Variants in NPAS3 observed in about 807,000 individuals in gnomAD.
NPAS3 encodes the protein neuronal PAS domain-containing protein 3.
A neutral mutation model predicts 73.1 loss-of-function variants in NPAS3; 14 were observed. The ratio of observed to expected loss-of-function variants is 0.19; its 90% confidence interval spans 0.13 to 0.30. The LOEUF (loss-of-function observed/expected upper bound fraction) is 0.30. NPAS3 is among the 10% of genes least tolerant of loss of function. NPAS3 has a pLI of 1.00. For missense variants in NPAS3, 1,096 were observed against 1,250.0 expected, an observed-to-expected ratio of 0.88 and a Z score of 1.86; for synonymous variants, 620 against 541.5, an observed-to-expected ratio of 1.14 and a Z score of -2.01.
intron 6 of NPAS3, among the ~76,000 whole-genome samples, chr14:33,702,424 TA>T (rs1595467697): frequency 6.6e-6 from 1 of 152,218 alleles, no homozygotes; most frequent in East Asian, 1.9e-4. Context: ...CAAATAATCC[TA>T]ACAAATTATT....
chr14:33,405,938 T>C (rs568286468), intron 4 of NPAS3, among the ~76,000 whole-genome samples: 15 of 152,256 alleles, frequency 9.9e-5, no homozygotes, highest in African/African-American at 3.6e-4. Flanking sequence ...TGTTTTGTAT[T>C]AGCTTATGCC....
At chr14:33,705,364 T>G (rs2060628502) in intron 6 of NPAS3, among the ~76,000 whole-genome samples, 1 of 152,148 alleles carries the variant, frequency 6.6e-6, no homozygotes, top group Non-Finnish European at 1.5e-5. Flanking sequence ...AATAATACAT[T>G]TCAGTAAAGT....
At chr14:33,403,384 T>C (rs552525363) in intron 4 of NPAS3, among the ~76,000 whole-genome samples, 8 of 152,072 alleles carry the variant, frequency 5.3e-5, no homozygotes, top group Admixed American at 3.9e-4. Flanking sequence ...TAAGAAAAAA[T>C]GCAATAGTAC....
chr14:33,708,662 T>A (rs2060729313), intron 6 of NPAS3, among the ~76,000 whole-genome samples: 1 of 152,134 alleles, frequency 6.6e-6, no homozygotes, highest in Non-Finnish European at 1.5e-5. Context: ...TTTAAAAGTA[T>A]TTGAGTCATG....
At chr14:33,304,737 A>G (rs1594646182) in intron 3 of NPAS3, among the ~76,000 whole-genome samples, 1 of 152,152 alleles carries the variant, frequency 6.6e-6, no homozygotes, top group South Asian at 2.1e-4. Context: ...TAACCAAGCT[A>G]TGAATACTCT....
chr14:32,938,485 T>TAGACAGAGAGAGAGAGAGAGAGAG (rs1491191135), upstream of NPAS3, among the ~76,000 whole-genome samples: 2 of 21,748 alleles, frequency 9.2e-5, no homozygotes, highest in African/African-American at 2.7e-4. Context: ...GAGAGAGAAA[T>TAGACAGAGAGAGAGAGAGAGAGAG]TGAGAGAGAG....
At chr14:33,516,518 A>C (rs4981196) in intron 4 of NPAS3, among the ~76,000 whole-genome samples, 93,048 of 151,982 alleles carry the variant, frequency 0.61, 28,635 homozygotes, top group South Asian at 0.74. Context: ...GAGAGTGGAG[A>C]ACCAGAGTCA....
At chr14:33,569,891 T>C (rs1055927988) in intron 5 of NPAS3, among the ~76,000 whole-genome samples, 1 of 152,204 alleles carries the variant, frequency 6.6e-6, no homozygotes, top group Non-Finnish European at 1.5e-5. Flanking sequence ...TGAATGATAG[T>C]GCTAGCTCTA....
At chr14:33,707,865 G>A (rs1221451509) in intron 6 of NPAS3, among the ~76,000 whole-genome samples, 1 of 152,166 alleles carries the variant, frequency 6.6e-6, no homozygotes, top group Non-Finnish European at 1.5e-5. Context: ...TTATCGCTTT[G>A]CCTGCATGCG....
At chr14:33,602,623 T>C (rs992841079) in intron 5 of NPAS3, among the ~76,000 whole-genome samples, 1 of 152,158 alleles carries the variant, frequency 6.6e-6, no homozygotes, top group African/African-American at 2.4e-5. Context: ...TATATGTGAG[T>C]AAAGTTTTTT....
At chr14:33,149,040 AAAG>A (rs1375612801) in intron 2 of NPAS3, among the ~76,000 whole-genome samples, 1 of 152,176 alleles carries the variant, frequency 6.6e-6, no homozygotes, top group Non-Finnish European at 1.5e-5. Context: ...CCTTAGAGTT[AAAG>A]AAGCAAGTCA....
chr14:33,763,046 T>C (rs1471079045), intron 7 of NPAS3, among the ~76,000 whole-genome samples: 1 of 152,220 alleles, frequency 6.6e-6, no homozygotes, highest in African/African-American at 2.4e-5. Flanking sequence ...TTTCTTCTTG[T>C]GTCTGCCACT....
intron 4 of NPAS3, among the ~76,000 whole-genome samples, chr14:33,473,763 A>G (rs560204711): frequency 2.6e-5 from 4 of 152,316 alleles, no homozygotes; most frequent in Admixed American, 2.6e-4. Context: ...TTGTCAAATT[A>G]TGCAGTTTAG....
intron 7 of NPAS3, among the ~76,000 whole-genome samples, chr14:33,764,587 T>C (rs1337408411): frequency 6.6e-6 from 1 of 152,218 alleles, no homozygotes; most frequent in East Asian, 1.9e-4. Flanking sequence ...GGACTAGTTC[T>C]GAGTCTTTTT....
At chr14:33,685,668 A>G (rs1751126432) in intron 6 of NPAS3, among the ~76,000 whole-genome samples, 2 of 152,248 alleles carry the variant, frequency 1.3e-5, no homozygotes, top group African/African-American at 4.8e-5. Context: ...GGAAAATGGT[A>G]CTGATGCTTT....
At chr14:33,320,355 T>C (rs1476317414) in intron 3 of NPAS3, among the ~76,000 whole-genome samples, 2 of 152,106 alleles carry the variant, frequency 1.3e-5, no homozygotes, top group Non-Finnish European at 2.9e-5. Flanking sequence ...GGGTTGTTCT[T>C]AGAAGGATTC....
chr14:33,345,485 G>A (rs1207352883), intron 3 of NPAS3, among the ~76,000 whole-genome samples: 2 of 152,148 alleles, frequency 1.3e-5, no homozygotes, highest in Non-Finnish European at 2.9e-5. Context: ...AATTGTAGTC[G>A]ACAGGAAAAT....
At chr14:32,999,346 C>T (rs190381779) in intron 1 of NPAS3, among the ~76,000 whole-genome samples, 4 of 152,130 alleles carry the variant, frequency 2.6e-5, no homozygotes, top group Non-Finnish European at 4.4e-5. Flanking sequence ...CCCATCTCTA[C>T]TAAAAATACA....
intron 7 of NPAS3, among the ~76,000 whole-genome samples, chr14:33,751,492 T>C (rs1320302844): frequency 6.6e-6 from 1 of 152,198 alleles, no homozygotes; most frequent in East Asian, 1.9e-4. Flanking sequence ...CATTGAAAGC[T>C]GGCATTGCAA....
Sources: allele counts gnomAD v4.1 joint callset (sites outside exome capture counted in the v4.1 genomes callset), GRCh38; gene constraint gnomAD v4.1.1; transcripts MANE v1.5; gene names NCBI Gene and HGNC (gene_info 2026-07-23, HGNC 2026-07-21).